CES5A: variants seen among roughly 807,000 people sequenced by gnomAD.
The protein encoded by CES5A is carboxylesterase 5.
A neutral mutation model predicts 62.9 loss-of-function variants in CES5A; 67 were observed. The ratio of observed to expected loss-of-function variants is 1.07; its 90% CI spans 0.88 to 1.31. The LOEUF (loss-of-function observed/expected upper bound fraction) is 1.31. Ranked by LOEUF, CES5A falls within the 50% of genes most tolerant of loss-of-function variation. The pLI, the probability that CES5A is intolerant of heterozygous loss-of-function variation, is 0.00. For missense variants in CES5A, 748 were observed against 708.5 expected, an observed-to-expected ratio of 1.06 and a Z score of -0.63; for synonymous variants, 296 against 280.8, an observed-to-expected ratio of 1.05 and a Z score of -0.54.
At chr16:55,951,063 C>T (rs1356467524) in intron 1 of CES5A, among the ~76,000 whole-genome samples, 2 of 114,312 alleles carry the variant, frequency 1.7e-5, no homozygotes, top group Non-Finnish European at 3.3e-5. Flanking sequence ...GATTGCGCCA[C>T]AAACTACACT....
intron 1 of CES5A, among the ~76,000 whole-genome samples, chr16:55,892,640 C>T (rs1417159496): frequency 1.3e-5 from 2 of 150,558 alleles, no homozygotes; most frequent in African/African-American, 4.9e-5. Context: ...AATATAAGTG[C>T]TTATAAGAGC....
chr16:55,864,457 G>A (rs1306305677), intron 5 of CES5A, among the ~76,000 whole-genome samples: 1 of 152,138 alleles, frequency 6.6e-6, no homozygotes, highest in East Asian at 1.9e-4. Context: ...AGGTGTGTTT[G>A]CTTCCAAACC....
upstream of CES5A, among the ~76,000 whole-genome samples, chr16:55,879,762 T>G (rs1379729060): frequency 6.6e-6 from 1 of 152,118 alleles, no homozygotes; most frequent in African/African-American, 2.4e-5. Flanking sequence ...GGCTAATTTT[T>G]TTTAAATTTT....
At chr16:55,899,014 C>G (rs1276545345) in intron 1 of CES5A, among the ~76,000 whole-genome samples, 2 of 152,276 alleles carry the variant, frequency 1.3e-5, no homozygotes, top group South Asian at 2.1e-4. Context: ...GAGGCTGAGA[C>G]AGAGGTGCTA....
chr16:55,936,120 C>T (rs1187267490), intron 2 of CES5A, among the ~76,000 whole-genome samples: 1 of 152,158 alleles, frequency 6.6e-6, no homozygotes, highest in Non-Finnish European at 1.5e-5. Context: ...TCTCACTCCT[C>T]CTTGGATCCT....
intron 1 of CES5A, among the ~76,000 whole-genome samples, chr16:55,884,885 C>T (rs1273963323): frequency 1.3e-5 from 2 of 152,144 alleles, no homozygotes; most frequent in African/African-American, 4.8e-5. Flanking sequence ...AGCCACTGTG[C>T]CCGGCCTTAC....
intron 9 of CES5A, among the ~76,000 whole-genome samples, chr16:55,853,545 G>A (rs2033173936): frequency 6.6e-6 from 1 of 152,120 alleles, no homozygotes; most frequent in Non-Finnish European, 1.5e-5. Context: ...CCAGCCCTTA[G>A]CTATTATCTT....
intron 9 of CES5A, among the ~76,000 whole-genome samples, chr16:55,855,842 C>A (rs1308431715): frequency 6.6e-6 from 1 of 152,110 alleles, no homozygotes; most frequent in Non-Finnish European, 1.5e-5. Context: ...CTGTGTCCCC[C>A]ACCAAATCTC....
chr16:55,860,403 C>T (rs1337461053), intron 7 of CES5A, among the ~76,000 whole-genome samples: 8 of 152,100 alleles, frequency 5.3e-5, no homozygotes, highest in Non-Finnish European at 1.2e-4. Context: ...GTTATAAATG[C>T]ACATTCCAGG....
chr16:55,955,328 C>T (rs2034597927), intron 1 of CES5A, among the ~76,000 whole-genome samples: 1 of 151,956 alleles, frequency 6.6e-6, no homozygotes, highest in African/African-American at 2.4e-5. Flanking sequence ...GAAACTAATC[C>T]CCCCCATCTT....
chr16:55,889,996 C>T (rs1204123949), intron 1 of CES5A, among the ~76,000 whole-genome samples: 2 of 152,154 alleles, frequency 1.3e-5, no homozygotes, highest in African/African-American at 4.8e-5. Context: ...AGCTGGATTT[C>T]AGAACCAAGT....
At chr16:55,859,430 G>T in intron 8 of CES5A, 117 bp downstream of exon 8, 1 of 962,402 alleles carries the variant, frequency 1.0e-6, no homozygotes, top group Non-Finnish European at 1.6e-6. Flanking sequence ...TGTGTGCTTG[G>T]CTGGTGGGCT....
intron 10 of CES5A, among the ~76,000 whole-genome samples, chr16:55,850,529 TCATCTGTGTTGTAG>T (rs1383839200): frequency 6.6e-6 from 1 of 152,228 alleles, no homozygotes; most frequent in African/African-American, 2.4e-5. Flanking sequence ...TTTACAAGGC[TCATCTGTGTTGTAG>T]CATCCGTCCG....
intron 1 of CES5A, among the ~76,000 whole-genome samples, chr16:55,896,057 T>C (rs1305295604): frequency 1.3e-5 from 2 of 152,162 alleles, no homozygotes; most frequent in African/African-American, 4.8e-5. Flanking sequence ...ACTAGGTAAT[T>C]TATAAAGGAA....
At chr16:55,882,377 C>T (rs1469113496) in intron 1 of CES5A, among the ~76,000 whole-genome samples, 1 of 152,146 alleles carries the variant, frequency 6.6e-6, no homozygotes, top group Non-Finnish European at 1.5e-5. Flanking sequence ...GTTTAATTCC[C>T]TAATGTAGTA....
chr16:55,879,299 C>T (rs2033736925), upstream of CES5A, among the ~76,000 whole-genome samples: 2 of 151,394 alleles, frequency 1.3e-5, no homozygotes, highest in South Asian at 2.1e-4. Context: ...CACTGCACCC[C>T]ACCACTGCAC....
intron 1 of CES5A, among the ~76,000 whole-genome samples, chr16:55,916,440 A>G (rs1256274544): frequency 1.3e-5 from 2 of 152,248 alleles, no homozygotes; most frequent in African/African-American, 4.8e-5. Context: ...AGCTTGGACT[A>G]AGCCCAGGAA....
chr16:55,876,711 C>T (rs2033698756), upstream of CES5A, among the ~76,000 whole-genome samples: 1 of 152,220 alleles, frequency 6.6e-6, no homozygotes, highest in Non-Finnish European at 1.5e-5. Flanking sequence ...CAACCTGGGG[C>T]AGCCACAGCA....
chr16:55,882,513 T>C (rs1203435649), intron 1 of CES5A, among the ~76,000 whole-genome samples: 4 of 152,150 alleles, frequency 2.6e-5, no homozygotes, highest in Admixed American at 1.3e-4. Flanking sequence ...CCAAATCATA[T>C]CACCTAGGCA....
Sources: gnomAD v4.1 joint callset for allele counts (sites outside exome capture counted in the v4.1 genomes callset) on GRCh38, gnomAD v4.1.1 for gene constraint, MANE v1.5 for transcripts, NCBI Gene and HGNC (gene_info 2026-07-23, HGNC 2026-07-21) for gene names.